AKAP19: variants seen among roughly 807,000 people sequenced by gnomAD.
The protein encoded by AKAP19 is A-kinase anchoring protein 19.
the AKAP19 span, among the ~76,000 whole-genome samples, chr2:190,095,234 A>G: frequency 1.3e-5 from 2 of 152,204 alleles, no homozygotes; most frequent in Non-Finnish European, 2.9e-5. Flanking sequence ...AAAAAAAGTA[A>G]ATAACCAGGA....
the AKAP19 span, among the ~76,000 whole-genome samples, chr2:189,964,008 C>T: frequency 6.6e-6 from 1 of 152,182 alleles, no homozygotes; most frequent in African/African-American, 2.4e-5. Context: ...ACCACCTTGG[C>T]CTCTCAAAGT....
the AKAP19 span, among the ~76,000 whole-genome samples, chr2:190,067,691 A>T: frequency 6.6e-6 from 1 of 152,086 alleles, no homozygotes; most frequent in African/African-American, 2.4e-5. Context: ...CTGTATTCAT[A>T]CTCTGGCAAT....
At chr2:189,999,022 A>G in the AKAP19 span, among the ~76,000 whole-genome samples, 8 of 151,576 alleles carry the variant, frequency 5.3e-5, no homozygotes, top group Non-Finnish European at 1.0e-4. Context: ...TCTGCCCACC[A>G]CAGCCTCCCA....
the AKAP19 span, among the ~76,000 whole-genome samples, chr2:190,039,523 T>C: frequency 6.6e-6 from 1 of 152,058 alleles, no homozygotes; most frequent in Non-Finnish European, 1.5e-5. Flanking sequence ...ATGAAGTTTC[T>C]TTTTTTTAAC....
At chr2:189,929,556 CT>C in the AKAP19 span, among the ~76,000 whole-genome samples, 122,662 of 150,326 alleles carry the variant, frequency 0.82, 52,255 homozygotes, top group East Asian at 0.96. Context: ...TTTATTGACA[CT>C]TTTTTTTTTT....
chr2:189,914,840 G>A, the AKAP19 span, among the ~76,000 whole-genome samples: 1 of 151,992 alleles, frequency 6.6e-6, no homozygotes, highest in South Asian at 2.1e-4. Context: ...GAGACATGAA[G>A]TAAATTGACC....
chr2:190,175,457 C>T, the AKAP19 span, among the ~76,000 whole-genome samples: 12 of 152,288 alleles, frequency 7.9e-5, no homozygotes, highest in South Asian at 2.5e-3. Context: ...AGATACTATT[C>T]CACAATAGTC....
At chr2:189,886,964 A>T in the AKAP19 span, among the ~76,000 whole-genome samples, 2 of 152,176 alleles carry the variant, frequency 1.3e-5, no homozygotes, top group East Asian at 3.8e-4. Flanking sequence ...AGATGAACTC[A>T]ATAAGACTTG....
chr2:189,971,932 T>G, the AKAP19 span, among the ~76,000 whole-genome samples: 3 of 151,818 alleles, frequency 2.0e-5, no homozygotes, highest in Non-Finnish European at 3.0e-5. Flanking sequence ...TTCTGTAGGT[T>G]GCCTGTTCAC....
chr2:189,892,974 TTGCCTAGCTGCGGTAGGCTC>T, the AKAP19 span, among the ~76,000 whole-genome samples: 1 of 152,168 alleles, frequency 6.6e-6, no homozygotes, highest in African/African-American at 2.4e-5. Flanking sequence ...TACAGCAGCT[TTGCCTAGCTGCGGTAGGCTC>T]TGCCCAGTTC....
chr2:189,944,014 C>T, the AKAP19 span, among the ~76,000 whole-genome samples: 1 of 152,112 alleles, frequency 6.6e-6, no homozygotes, highest in African/African-American at 2.4e-5. Flanking sequence ...AGACTTTGGA[C>T]TTTTGCATTA....
At chr2:190,008,434 A>C in the AKAP19 span, among the ~76,000 whole-genome samples, 2 of 152,122 alleles carry the variant, frequency 1.3e-5, no homozygotes, top group Non-Finnish European at 2.9e-5. Context: ...GGTTCATCTC[A>C]TTATGGTGTT....
At chr2:190,104,184 A>G in the AKAP19 span, among the ~76,000 whole-genome samples, 1 of 152,184 alleles carries the variant, frequency 6.6e-6, no homozygotes, top group Non-Finnish European at 1.5e-5. Flanking sequence ...ACAAAAATTA[A>G]CTCAAGATAG....
the AKAP19 span, among the ~76,000 whole-genome samples, chr2:189,983,109 T>C: frequency 1.3e-5 from 2 of 152,044 alleles, no homozygotes; most frequent in Non-Finnish European, 2.9e-5. Flanking sequence ...GGTCTTAGGA[T>C]AAGGGGTGAG....
chr2:190,186,564 C>G, the AKAP19 span, among the ~76,000 whole-genome samples: 1 of 152,154 alleles, frequency 6.6e-6, no homozygotes, highest in Non-Finnish European at 1.5e-5. This position sits in a 1 kb window ranked among gnomAD's most constrained non-coding sequence, Gnocchi z 5.5. Flanking sequence ...GTCATATATA[C>G]AGTATTTTGT....
the AKAP19 span, among the ~76,000 whole-genome samples, chr2:189,998,367 C>A: frequency 6.6e-6 from 1 of 152,148 alleles, no homozygotes; most frequent in Non-Finnish European, 1.5e-5. Flanking sequence ...ATAGATTTAA[C>A]TAGTGCAGCC....
the AKAP19 span, among the ~76,000 whole-genome samples, chr2:190,143,982 G>T: frequency 5.9e-5 from 8 of 134,864 alleles, no homozygotes; most frequent in Admixed American, 6.3e-4. Context: ...GAGATCACAT[G>T]GACACAGGAA....
At chr2:190,192,698 G>A in the AKAP19 span, among the ~76,000 whole-genome samples, 1 of 151,982 alleles carries the variant, frequency 6.6e-6, no homozygotes, top group African/African-American at 2.4e-5. Context: ...GTAACATTTT[G>A]TATTTTTCAC....
chr2:190,176,558 C>T, the AKAP19 span, among the ~76,000 whole-genome samples: 1 of 152,126 alleles, frequency 6.6e-6, no homozygotes, highest in African/African-American at 2.4e-5. The surrounding 1 kb of genome is among the most constrained non-coding windows in gnomAD (Gnocchi z 4.7). Flanking sequence ...GTATGTTGGC[C>T]AGGCTGGTCT....
Sources: gnomAD v4.1 joint callset for allele counts (sites outside exome capture counted in the v4.1 genomes callset) on GRCh38, gnomAD v4.1.1 for gene constraint, Gnocchi (gnomAD v3.1) non-coding constraint, MANE v1.5 for transcripts, NCBI Gene and HGNC (gene_info 2026-07-23, HGNC 2026-07-21) for gene names.